ARHGAP28: variants seen among roughly 807,000 people sequenced by gnomAD.
The protein encoded by ARHGAP28 is Rho GTPase activating protein 28.
A neutral mutation model predicts 90.7 loss-of-function variants in ARHGAP28; 56 were observed. That is an observed-to-expected ratio of 0.62 (90% CI 0.50 to 0.77). ARHGAP28 has a LOEUF of 0.77. ARHGAP28 is among the 30% of genes least tolerant of loss of function. The probability of loss-of-function intolerance (pLI) is 0.00; values close to 1 mark genes in which losing one functional copy is unlikely to be tolerated. For synonymous variants in ARHGAP28, 308 were observed against 323.3 expected, an observed-to-expected ratio of 0.95 and a Z score of 0.51; for missense variants, 869 against 900.9, an observed-to-expected ratio of 0.96 and a Z score of 0.45.
At chr18:6,834,767 G>A (rs1042062099) in intron 2 of ARHGAP28, among the ~76,000 whole-genome samples, 4 of 152,106 alleles carry the variant, frequency 2.6e-5, no homozygotes, top group Non-Finnish European at 5.9e-5. Flanking sequence ...AATATGAAAA[G>A]GCCTTGGGGG....
intron 7 of ARHGAP28, among the ~76,000 whole-genome samples, chr18:6,873,203 T>C (rs569950644): frequency 1.3e-5 from 2 of 152,288 alleles, no homozygotes; most frequent in South Asian, 4.1e-4. Context: ...TTTAGACTGC[T>C]GTTTTGCTTC....
At chr18:6,817,966 A>G (rs1189083309) in intron 1 of ARHGAP28, among the ~76,000 whole-genome samples, 9 of 152,184 alleles carry the variant, frequency 5.9e-5, no homozygotes, top group Non-Finnish European at 1.3e-4. Flanking sequence ...GGACATTTTT[A>G]TGTACTTGTT....
At chr18:6,881,153 G>T (rs1468371786) in intron 10 of ARHGAP28, among the ~76,000 whole-genome samples, 1 of 152,228 alleles carries the variant, frequency 6.6e-6, no homozygotes, top group Non-Finnish European at 1.5e-5. Context: ...GGAGCCAAGA[G>T]AGTGATTATG....
At chr18:6,881,346 G>A (rs2057176379) in intron 10 of ARHGAP28, among the ~76,000 whole-genome samples, 1 of 152,148 alleles carries the variant, frequency 6.6e-6, no homozygotes, top group Non-Finnish European at 1.5e-5. Context: ...AGTGTCAGCT[G>A]GGAGACTGAC....
At chr18:6,841,179 T>TC (rs776210100) in intron 3 of ARHGAP28, among the ~76,000 whole-genome samples, 1 of 67,332 alleles carries the variant, frequency 1.5e-5, no homozygotes, top group Non-Finnish European at 2.7e-5. Flanking sequence ...TCTCTCTCTC[T>TC]CCTCTCTCTC....
At chr18:6,877,429 C>A (rs2057140095) in intron 10 of ARHGAP28, among the ~76,000 whole-genome samples, 1 of 152,190 alleles carries the variant, frequency 6.6e-6, no homozygotes, top group Non-Finnish European at 1.5e-5. Context: ...GGCCCTGGTA[C>A]CCATGCCTCA....
intron 2 of ARHGAP28, among the ~76,000 whole-genome samples, chr18:6,828,321 G>A (rs1350305523): frequency 3.3e-5 from 5 of 152,102 alleles, no homozygotes; most frequent in South Asian, 2.1e-4. Context: ...GCTTCGGCTC[G>A]GCATCAGAGG....
In ARHGAP28 at chr18:6,904,370, G is replaced by T. The variant is rs952262778; in HGVS notation, c.2031-4590G>T. 2.0e-5 allele frequency among the ~76,000 whole-genome samples: 3 copies of T among 151,980 alleles called. No homozygotes were observed. In the East Asian group the frequency reaches 5.8e-4, roughly 29 times the overall value. ...AACCACACCACTGCACTCCAGCCTG[G>T]GTGACAGAGTGAGACTCCGTCTCAA... On this transcript the variant is annotated intron_variant, in intron 16 of 17. Coordinates refer to ENST00000383472, the MANE Select transcript of ARHGAP28 (RefSeq NM_001366230.1).
chr18:6,807,661 C>T (rs1251881737), intron 1 of ARHGAP28, among the ~76,000 whole-genome samples: 1 of 152,148 alleles, frequency 6.6e-6, no homozygotes, highest in African/African-American at 2.4e-5. Flanking sequence ...TACTGGGATC[C>T]TGTTATCTGA....
chr18:6,851,131 G>C lies in ARHGAP28; in HGVS notation c.636+5G>C. ...ATCAAGACAAGTGGTTCCATGGTAAGTTATAGTTGTGGGGGGATGGTGGTA... is the reference window on the plus strand; with the variant it reads ...ATCAAGACAAGTGGTTCCATGGTAACTTATAGTTGTGGGGGGATGGTGGTA... On this transcript the variant is annotated splice_donor_5th_base_variant and intron_variant, in intron 4 of 17. Transcript: ENST00000383472. 1.9e-6 allele frequency: 3 copies of C among 1,613,436 alleles called. No homozygotes were observed. Among genetic ancestry groups the C allele is most frequent in the Non-Finnish European group, 2.5e-6 (3 of 1,179,432 alleles).
intron 4 of ARHGAP28, among the ~76,000 whole-genome samples, chr18:6,855,756 C>T (rs1358871234): frequency 2.0e-5 from 3 of 152,324 alleles, no homozygotes; most frequent in Admixed American, 6.5e-5. Flanking sequence ...TCTGCAGTTC[C>T]GGGGATCTCC....
intron 1 of ARHGAP28, among the ~76,000 whole-genome samples, chr18:6,793,489 A>G (rs1726651910): frequency 6.6e-6 from 1 of 152,232 alleles, no homozygotes; most frequent in Admixed American, 6.5e-5. Flanking sequence ...GGGTGGAAGA[A>G]GAGAGTTAAA....
chr18:6,865,741 G>T (rs1052944008), intron 5 of ARHGAP28, among the ~76,000 whole-genome samples: 7 of 151,970 alleles, frequency 4.6e-5, no homozygotes, highest in Non-Finnish European at 1.0e-4. Context: ...ATAGTACCAG[G>T]CTCCTACAAT....
At chr18:6,813,936 A>T (rs1033485697) in intron 1 of ARHGAP28, among the ~76,000 whole-genome samples, 2 of 151,982 alleles carry the variant, frequency 1.3e-5, no homozygotes. Flanking sequence ...TTCATTGGAA[A>T]CCCTAGTTAT....
At chr18:6,854,195 C>G (rs1057207735) in intron 4 of ARHGAP28, among the ~76,000 whole-genome samples, 2 of 152,058 alleles carry the variant, frequency 1.3e-5, no homozygotes, top group Non-Finnish European at 2.9e-5. Context: ...ATTTCTCTCT[C>G]TCTCTCTTTT....
intron 2 of ARHGAP28, among the ~76,000 whole-genome samples, chr18:6,827,631 A>G (rs1393112023): frequency 5.8e-5 from 4 of 68,832 alleles, no homozygotes; most frequent in Non-Finnish European, 1.3e-4. Flanking sequence ...GCTGGCCGGC[A>G]GGGGGGCTGA....
At chr18:6,841,222 T>TCTCTCC (rs1555631541) in intron 3 of ARHGAP28, among the ~76,000 whole-genome samples, 3 of 100,094 alleles carry the variant, frequency 3.0e-5, no homozygotes, top group Non-Finnish European at 5.9e-5. Context: ...TCTCTCTCTC[T>TCTCTCC]CCCCCCAACC....
chr18:6,865,088 T>A (rs916532794), intron 5 of ARHGAP28, among the ~76,000 whole-genome samples: 1 of 152,226 alleles, frequency 6.6e-6, no homozygotes, highest in Non-Finnish European at 1.5e-5. Context: ...TCTTATTTTT[T>A]TACATTCTTT....
intron 1 of ARHGAP28, among the ~76,000 whole-genome samples, chr18:6,823,601 ATTTTTTTTTT>A (rs141094607): frequency 1.5e-5 from 2 of 130,066 alleles, no homozygotes; most frequent in African/African-American, 5.6e-5. Flanking sequence ...GTGGCTCTTA[ATTTTTTTTTT>A]TTTTTTTTTG....
Sources: allele counts gnomAD v4.1 joint callset (sites outside exome capture counted in the v4.1 genomes callset), GRCh38; gene constraint gnomAD v4.1.1; transcripts MANE v1.5; gene names NCBI Gene and HGNC (gene_info 2026-07-23, HGNC 2026-07-21).